The following PCDHGB2 variants were observed in gnomAD, a reference collection of about 807,000 sequenced individuals.
PCDHGB2 encodes the protein protocadherin gamma subfamily B, 2.
PCDHGB2 carries 55 observed loss-of-function variants against 59.3 expected under a neutral mutation model. That is an observed-to-expected ratio of 0.93 (90% confidence interval 0.75 to 1.16). PCDHGB2 has a LOEUF of 1.16. Among genes scored for constraint, PCDHGB2 ranks in the 50% most tolerant of loss-of-function variants. The probability of loss-of-function intolerance (pLI) is 0.00; values close to 1 mark genes in which losing one functional copy is unlikely to be tolerated. For synonymous variants in PCDHGB2, 516 were observed against 512.0 expected (o/e 1.01, Z -0.11); for missense variants, 1,228 against 1,198.5 (o/e 1.02, Z -0.36).
At chr5:141,403,560 A>G in intron 1 of PCDHGB2, 1 of 1,613,972 alleles carries the variant, frequency 6.2e-7, no homozygotes, top group Non-Finnish European at 8.5e-7. Context: ...CTGGACAGGG[A>G]GGAGGCAACT....
At position 141,361,612 on chromosome 5, in the gene PCDHGB2, G is replaced by T. The variant is rs1485952478; in HGVS notation, c.1477G>T (p.Ala493Ser). 3.7e-6 allele frequency: 6 copies of T among 1,613,866 alleles called. No individual in the cohort carries two copies. The highest frequency in any genetic ancestry group is 5.1e-6 in the Non-Finnish European group (6 of 1,179,916). The change falls in exon 1 of 4, where the codon GCG becomes TCG. Residue 493 changes from alanine to serine, a missense_variant. By Grantham distance (99) the Ala-to-Ser change is moderately conservative (BLOSUM62 1). Around this residue, in one of 3 missense-constraint regions of PCDHGB2, gnomAD observed 781 missense variants for 721.6 expected, o/e 1.08. Transcript: ENST00000522605. The stretch of plus-strand genomic sequence containing the variant: ...TGGCCAAGTTTCCTACTCCATCGTA[G>T]CGAGCGACCTGAAGCCGCGGGAGAT... ...PSGQVSYSIV[A>S]SDLKPREILS...
chr5:141,373,865 C>T, intron 1 of PCDHGB2: 1 of 465,356 alleles, frequency 2.1e-6, no homozygotes, highest in Admixed American at 3.9e-5. Context: ...GTTGACCAAC[C>T]TGGGCAAGAA....
chr5:141,378,325 C>A (rs1344220335), intron 1 of PCDHGB2: 3 of 152,200 alleles, frequency 2.0e-5, no homozygotes, highest in African/African-American at 7.2e-5. Flanking sequence ...GAGTTCGAGA[C>A]CAGCCTGACC....
intron 1 of PCDHGB2, chr5:141,395,094 G>A (rs192995605): frequency 6.2e-7 from 1 of 1,614,160 alleles, no homozygotes; most frequent in African/African-American, 1.3e-5. Flanking sequence ...CTCCCTCACC[G>A]CCGACTCGCG....
chr5:141,394,891 TCGTGGTGGCAGTGG>T (rs1346277751), intron 1 of PCDHGB2: 11 of 1,613,892 alleles, frequency 6.8e-6, no homozygotes, highest in Non-Finnish European at 9.3e-6. Flanking sequence ...ACACTCTATC[TCGTGGTGGCAGTGG>T]CTGCCATCTC....
At chr5:141,413,462 G>A (rs750915907) in intron 1 of PCDHGB2, 4 of 1,614,120 alleles carry the variant, frequency 2.5e-6, no homozygotes, top group East Asian at 2.2e-5. Flanking sequence ...AGGATAGACC[G>A]GGAGGAGCTC....
chr5:141,388,663 C>T (rs770660956), intron 1 of PCDHGB2: 1 of 1,613,810 alleles, frequency 6.2e-7, no homozygotes, highest in Non-Finnish European at 8.5e-7. Flanking sequence ...CCGGGGACCA[C>T]GGTGCTACAG....
At chr5:141,510,322 A>G (rs62379243) in intron 3 of PCDHGB2, among the ~76,000 whole-genome samples, 36,300 of 150,290 alleles carry the variant, frequency 0.24, 4,456 homozygotes, top group Admixed American at 0.32. Flanking sequence ...TTGGAAGAGC[A>G]CTCTTCACCC....
rs1164038678 is a variant in PCDHGB2 at position 141,360,844 on chromosome 5, G to A, written c.709G>A (p.Asp237Asn). The change falls in exon 1 of 4, where the codon GAT becomes AAT. Residue 237 changes from aspartate (D) to asparagine (N), a missense_variant. Physicochemically the swap from Asp to Asn is conservative, Grantham distance 23 (BLOSUM62 1). Around this residue, in one of 3 missense-constraint regions of PCDHGB2, gnomAD observed 781 missense variants for 721.6 expected, o/e 1.08. Transcript: ENST00000522605. The stretch of plus-strand genomic sequence containing the variant: ...CCGAATCAAAGTCACGGATGCCAAC[G>A]ATAACCCTCCAGTGTTCAGCCAGGA... ...QIRIKVTDAN[D>N]NPPVFSQDVY... The A allele has an allele frequency of 6.2e-7, 1 of 1,613,980 alleles. No individual in the cohort carries two copies. The highest frequency in any genetic ancestry group is 1.1e-5 in the South Asian group (1 of 91,084).
rs539719239 is a variant in PCDHGB2, at chr5:141,431,888, G to A, written c.2422-62919G>A. The A allele has an allele frequency of 6.2e-7, 1 of 1,614,200 alleles. No homozygotes were observed. The highest frequency in any genetic ancestry group is 1.7e-5 in the Admixed American group (1 of 60,036). On this transcript the variant is annotated intron_variant, in intron 1 of 3. Coordinates refer to ENST00000522605, the MANE Select transcript of PCDHGB2 (RefSeq NM_018923.3). The surrounding 1 kb of genome is among the most constrained non-coding windows in gnomAD (Gnocchi z 4.8). ...TTTAAATGTAAATGACCAAGATTCT[G>A]AGGAAAACGGACAGGTGATCTGTTT... is the stretch of plus-strand genomic sequence containing the variant.
chr5:141,433,358 C>CCCATCTAT (rs1554125967), intron 1 of PCDHGB2: 6 of 503,934 alleles, frequency 1.2e-5, no homozygotes, highest in Admixed American at 3.6e-5. Context: ...CTACTGTCTG[C>CCCATCTAT]CTATCTATCT....
chr5:141,408,328 C>A, intron 1 of PCDHGB2: 1 of 1,613,910 alleles, frequency 6.2e-7, no homozygotes, highest in South Asian at 1.1e-5. Flanking sequence ...AGGAGCTGGC[C>A]AAGGGCTCGG....
chr5:141,448,505 T>C (rs1041076095), intron 1 of PCDHGB2, among the ~76,000 whole-genome samples: 24 of 152,172 alleles, frequency 1.6e-4, no homozygotes, highest in African/African-American at 5.8e-4. Flanking sequence ...AGGTAAACAT[T>C]TTATAACTTT....
chr5:141,430,380 T>TG (rs1376875091), intron 1 of PCDHGB2, among the ~76,000 whole-genome samples: 2 of 147,890 alleles, frequency 1.4e-5, no homozygotes, highest in African/African-American at 5.0e-5. Context: ...AAAAGCTCAT[T>TG]GGGAAAAAAA....
chr5:141,370,453 T>A lies in PCDHGB2; in HGVS notation c.2421+7897T>A, dbSNP rs6860590. ...GGGCAGAGGCGAATGCTATTTCTCT[T>A]CCTGCTCTCTTTGTTAGACCAGGCT... On this transcript the variant is annotated intron_variant, in intron 1 of 3. Transcript: ENST00000522605. 2,396 of 1,611,648 alleles carry A rather than the reference T, an allele frequency of 1.5e-3. 32 individuals are homozygous for A. In the African/African-American group the frequency reaches 0.028, roughly 19 times the overall value.
intron 1 of PCDHGB2, chr5:141,423,755 G>GGT (rs1554116817): frequency 5.9e-6 from 3 of 512,508 alleles, no homozygotes; most frequent in Non-Finnish European, 7.8e-6. Context: ...CTGTTTGGGG[G>GGT]GGGGGTGGGG....
chr5:141,491,072 C>T lies in PCDHGB2; in HGVS notation c.2422-3735C>T, dbSNP rs778221466. The T allele has an allele frequency of 6.2e-7, 1 of 1,614,204 alleles. No individual in the cohort carries two copies. Among genetic ancestry groups the T allele is most frequent in the South Asian group, 1.1e-5 (1 of 91,086 alleles). On this transcript the variant is annotated intron_variant, in intron 1 of 3. Coordinates refer to ENST00000522605, the MANE Select transcript of PCDHGB2 (RefSeq NM_018923.3). The surrounding 1 kb of genome is among the most constrained non-coding windows in gnomAD (Gnocchi z 6.9). ...GCGTGGCTCTCCTACTCACTGTTGCCACAGTCCACAGCCCCAGGACTGTTC... is the reference window on the plus strand; with the variant it reads ...GCGTGGCTCTCCTACTCACTGTTGCTACAGTCCACAGCCCCAGGACTGTTC...
chr5:141,408,839 A>T (rs1296339131), intron 1 of PCDHGB2: 24 of 1,613,642 alleles, frequency 1.5e-5, no homozygotes, highest in Non-Finnish European at 2.0e-5. Context: ...CTTGATATTG[A>T]CTGCCTTGGA....
At position 141,491,121 on chromosome 5, in the gene PCDHGB2, G is replaced by T. The variant is rs1176877834; in HGVS notation, c.2422-3686G>T. On this transcript the variant is annotated intron_variant, in intron 1 of 3. Transcript: ENST00000522605. The surrounding 1 kb of genome is among the most constrained non-coding windows in gnomAD (Gnocchi z 6.9). ...TCCTCGTGTCTACACACACTGGTGA[G>T]GTGCGCACAGCCCGGGCCTTACTGG... 5 of 1,614,200 alleles carry T rather than the reference G, an allele frequency of 3.1e-6. No individual in the cohort carries two copies. In the South Asian group the frequency reaches 5.5e-5, roughly 18 times the overall value.
Sources: allele counts gnomAD v4.1 joint callset (sites outside exome capture counted in the v4.1 genomes callset), GRCh38; gene constraint gnomAD v4.1.1; regional missense constraint gnomAD v4.1.1; non-coding constraint Gnocchi (gnomAD v3.1); transcripts MANE v1.5; gene names NCBI Gene and HGNC (gene_info 2026-07-23, HGNC 2026-07-21).